NCKAP5: variants seen among roughly 807,000 people sequenced by gnomAD.
NCKAP5 encodes NCK associated protein 5.
In NCKAP5, 92 loss-of-function variants were observed where a neutral mutation model predicts 167.0. That is an observed-to-expected ratio of 0.55 (90% CI 0.47 to 0.66). The LOEUF (loss-of-function observed/expected upper bound fraction) is 0.66. NCKAP5 is among the 30% of genes least tolerant of loss of function. NCKAP5 has a pLI of 0.00. For missense variants in NCKAP5, 2,378 were observed against 2,315.0 expected (o/e 1.03, Z -0.56); for synonymous variants, 891 against 877.4 (o/e 1.02, Z -0.27).
At chr2:133,553,487 G>C (rs192071201) in intron 2 of NCKAP5, among the ~76,000 whole-genome samples, 2 of 152,282 alleles carry the variant, frequency 1.3e-5, no homozygotes, top group Admixed American at 6.5e-5. Context: ...GGTTGAAAAA[G>C]AACTCAAAAA....
the NCKAP5 span, among the ~76,000 whole-genome samples, chr2:133,622,565 A>T: frequency 6.6e-6 from 1 of 151,984 alleles, no homozygotes; most frequent in Admixed American, 6.6e-5. Context: ...AAAAACAAAA[A>T]GAAAAACAAA....
chr2:133,633,533 C>T, the NCKAP5 span, among the ~76,000 whole-genome samples: 17 of 152,278 alleles, frequency 1.1e-4, no homozygotes, highest in African/African-American at 3.9e-4. Flanking sequence ...GTCAGGCTGG[C>T]TCACGCTGAA....
chr2:132,835,971 T>G (rs530336957), intron 11 of NCKAP5, among the ~76,000 whole-genome samples: 65 of 152,290 alleles, frequency 4.3e-4, no homozygotes, highest in African/African-American at 1.4e-3. Flanking sequence ...TCTAAAAATA[T>G]ACTTGGATTA....
At chr2:132,812,590 C>G (rs187872560) in intron 11 of NCKAP5, among the ~76,000 whole-genome samples, 1 of 152,238 alleles carries the variant, frequency 6.6e-6, no homozygotes, top group Admixed American at 6.5e-5. Context: ...ACATAGTATG[C>G]TGTGGGAACT....
chr2:132,967,812 T>C (rs2076716255), intron 7 of NCKAP5, among the ~76,000 whole-genome samples: 1 of 152,126 alleles, frequency 6.6e-6, no homozygotes, highest in Non-Finnish European at 1.5e-5. Context: ...TATAAGGTAT[T>C]AGTAGCTGGT....
chr2:133,375,608 G>A (rs907273123), intron 3 of NCKAP5, among the ~76,000 whole-genome samples: 2 of 152,130 alleles, frequency 1.3e-5, no homozygotes, highest in Non-Finnish European at 2.9e-5. Context: ...TCTGCCCTCT[G>A]GTAGGCACCA....
chr2:133,369,485 G>A (rs1027186412), intron 3 of NCKAP5, among the ~76,000 whole-genome samples: 6 of 152,208 alleles, frequency 3.9e-5, no homozygotes, highest in African/African-American at 9.7e-5. Context: ...GCTCTTGTTC[G>A]TTAAAGTTAT....
At chr2:133,671,366 T>G in the NCKAP5 span, among the ~76,000 whole-genome samples, 1 of 152,076 alleles carries the variant, frequency 6.6e-6, no homozygotes, top group East Asian at 1.9e-4. Context: ...CATATCGAAA[T>G]AAACTCTTCA....
intron 4 of NCKAP5, among the ~76,000 whole-genome samples, chr2:133,265,828 C>T (rs1043621786): frequency 6.6e-6 from 1 of 152,158 alleles, no homozygotes; most frequent in African/African-American, 2.4e-5. Context: ...GGAGTTTTCC[C>T]AGTGGCACAG....
chr2:133,524,194 G>C (rs1684689532), intron 2 of NCKAP5, among the ~76,000 whole-genome samples: 1 of 152,146 alleles, frequency 6.6e-6, no homozygotes, highest in Non-Finnish European at 1.5e-5. Context: ...ACCAGTTTAG[G>C]AAGGTGAAGA....
intron 16 of NCKAP5, among the ~76,000 whole-genome samples, chr2:132,756,904 C>T (rs1284809856): frequency 6.6e-6 from 1 of 152,148 alleles, no homozygotes; most frequent in Non-Finnish European, 1.5e-5. Context: ...TGTTTGGGAG[C>T]TGACACAATG....
chr2:132,897,052 T>C lies in NCKAP5; in HGVS notation c.580-18136A>G, dbSNP rs554283161. 7.2e-5 allele frequency among the ~76,000 whole-genome samples: 11 copies of C among 152,358 alleles called. 1 individual carries two copies. In the East Asian group the frequency reaches 2.1e-3, roughly 29 times the overall value. ...TATATAGTAATTATCCAGAGATAAA[T>C]AATCATGGAATCATAGTTTGAGGTG... On this transcript the variant is annotated intron_variant, in intron 8 of 19. Transcript: ENST00000409261.
chr2:133,343,010 T>C (rs918127286), intron 3 of NCKAP5, among the ~76,000 whole-genome samples: 1 of 152,180 alleles, frequency 6.6e-6, no homozygotes, highest in African/African-American at 2.4e-5. Context: ...ACTTGCTTGA[T>C]CCCACCTTCT....
At chr2:132,847,807 T>C (rs1019557002) in intron 11 of NCKAP5, among the ~76,000 whole-genome samples, 18 of 152,224 alleles carry the variant, frequency 1.2e-4, no homozygotes, top group African/African-American at 3.6e-4. Context: ...ATATCTTACA[T>C]GATTTTGTTT....
Position 132,994,187 on chromosome 2 carries a change from T to G in NCKAP5, c.394A>C (p.Lys132Gln). Residue 132 changes from lysine to glutamine, a missense_variant, in exon 7 of 20, where the codon AAA becomes CAA. Coordinates refer to ENST00000409261, the MANE Select transcript of NCKAP5 (RefSeq NM_207363.3). ...LLQSQGSPEQ[K>Q]KEETVNIMVY... ...ATTATATTAACAGTTTCTTCTTTTTTCTGCTCTGGAGATCCTTGACTCTGC... is the reference window on the plus strand; with the variant it reads ...ATTATATTAACAGTTTCTTCTTTTTGCTGCTCTGGAGATCCTTGACTCTGC... 1 of 1,591,244 alleles carries G rather than the reference T, an allele frequency of 6.3e-7. No individual in the cohort carries two copies. Among genetic ancestry groups the G allele is most frequent in the Non-Finnish European group, 8.6e-7 (1 of 1,167,814 alleles).
chr2:132,822,889 T>C (rs1034685313), intron 11 of NCKAP5, among the ~76,000 whole-genome samples: 2 of 152,132 alleles, frequency 1.3e-5, no homozygotes, highest in Non-Finnish European at 2.9e-5. Context: ...ATGAAAGACA[T>C]GCTTAGAGAA....
rs1188802050 is a variant in NCKAP5, at chr2:132,788,144, C to G, written c.1092+1879G>C. On this transcript the variant is annotated intron_variant, in intron 13 of 19. Coordinates refer to ENST00000409261, the MANE Select transcript of NCKAP5 (RefSeq NM_207363.3). ...TTGGGGGTAGGAGACACACGAATGC[C>G]CCGTGGGAGTGATGGTGGGGAGGAG... Among the ~76,000 whole-genome samples, 3 of 152,056 alleles carry G rather than the reference C, an allele frequency of 2.0e-5. No homozygotes were observed. The South Asian group carries it at 6.2e-4, about 32-fold the overall frequency.
chr2:133,175,260 C>A (rs1179353058), intron 5 of NCKAP5, among the ~76,000 whole-genome samples: 3 of 151,970 alleles, frequency 2.0e-5, no homozygotes, highest in Non-Finnish European at 4.4e-5. Flanking sequence ...ACATGTTAAC[C>A]CTTTCTTGTG....
At chr2:132,765,307 T>C (rs1166055807) in intron 16 of NCKAP5, among the ~76,000 whole-genome samples, 8 of 144,824 alleles carry the variant, frequency 5.5e-5, no homozygotes, top group Non-Finnish European at 1.0e-4. Flanking sequence ...TTTCTTTCTT[T>C]CTTTTTTTTT....
Sources: gnomAD v4.1 joint callset for allele counts (sites outside exome capture counted in the v4.1 genomes callset) on GRCh38, gnomAD v4.1.1 for gene constraint, MANE v1.5 for transcripts, NCBI Gene and HGNC (gene_info 2026-07-23, HGNC 2026-07-21) for gene names.